The following DCC variants were observed in gnomAD, a reference collection of about 807,000 sequenced individuals.
DCC encodes the protein DCC netrin 1 receptor.
In DCC, 58 loss-of-function variants were observed where a neutral mutation model predicts 172.5. The ratio of observed to expected loss-of-function variants is 0.34; its 90% CI spans 0.27 to 0.42. The LOEUF (loss-of-function observed/expected upper bound fraction) is 0.42, where lower values mean the gene tolerates loss of function less well. DCC is among the 10% of genes least tolerant of loss of function. The probability of loss-of-function intolerance (pLI) is 1.00; values close to 1 mark genes in which losing one functional copy is unlikely to be tolerated. For missense variants in DCC, 1,740 were observed against 1,791.0 expected, an observed-to-expected ratio of 0.97 and a Z score of 0.51; for synonymous variants, 709 against 644.5, an observed-to-expected ratio of 1.10 and a Z score of -1.52.
chr18:52,778,098 C>T (rs1374557424), intron 2 of DCC, among the ~76,000 whole-genome samples: 1 of 152,126 alleles, frequency 6.6e-6, no homozygotes, highest in Non-Finnish European at 1.5e-5. Context: ...GAACCAAATC[C>T]TCAGCTATCA....
chr18:53,448,047 GTTTTTT>G (rs35238619), intron 22 of DCC, among the ~76,000 whole-genome samples: 1 of 113,756 alleles, frequency 8.8e-6, no homozygotes, highest in South Asian at 3.1e-4. Flanking sequence ...ATTTTGATGA[GTTTTTT>G]TTTTTTTTTT....
intron 12 of DCC, among the ~76,000 whole-genome samples, chr18:53,225,184 A>C (rs999607259): frequency 1.3e-5 from 2 of 152,156 alleles, no homozygotes; most frequent in Non-Finnish European, 2.9e-5. Context: ...GGGAGATATG[A>C]CATTCGAGAG....
intron 25 of DCC, among the ~76,000 whole-genome samples, chr18:53,473,433 CT>C (rs979399756): frequency 5.3e-5 from 8 of 152,162 alleles, no homozygotes; most frequent in Non-Finnish European, 1.0e-4. Context: ...TTGGAGAGCT[CT>C]TTTTTTGTCA....
At chr18:53,050,812 T>C (rs926634070) in intron 5 of DCC, among the ~76,000 whole-genome samples, 3 of 152,222 alleles carry the variant, frequency 2.0e-5, no homozygotes, top group South Asian at 2.1e-4. Context: ...CAGTACTATG[T>C]TGAATAGGAA....
intron 22 of DCC, among the ~76,000 whole-genome samples, chr18:53,442,437 T>C (rs889389129): frequency 5.3e-5 from 8 of 152,222 alleles, no homozygotes; most frequent in Admixed American, 5.2e-4. Context: ...ACTGCACCCA[T>C]ATAAGATGAT....
chr18:53,414,834 C>G (rs1910209821), intron 20 of DCC, among the ~76,000 whole-genome samples: 2 of 151,998 alleles, frequency 1.3e-5, no homozygotes, highest in African/African-American at 4.8e-5. Context: ...GGTGACAGAG[C>G]AATAATAAAA....
intron 2 of DCC, among the ~76,000 whole-genome samples, chr18:52,807,836 CTTA>C (rs1401450050): frequency 1.3e-5 from 2 of 152,280 alleles, no homozygotes; most frequent in East Asian, 1.9e-4. Context: ...TTTACGTTTT[CTTA>C]TTATGAGGGA....
intron 5 of DCC, among the ~76,000 whole-genome samples, chr18:53,041,252 A>C: frequency 6.6e-6 from 1 of 152,100 alleles, no homozygotes. Flanking sequence ...TTTTCCCAAA[A>C]CCACTTATTA....
chr18:52,901,284 T>C (rs947584297), intron 2 of DCC, among the ~76,000 whole-genome samples: 2 of 151,888 alleles, frequency 1.3e-5, no homozygotes, highest in African/African-American at 4.8e-5. Flanking sequence ...AATACAAAAA[T>C]TAGCTGGGCA....
At chr18:52,895,228 C>CA (rs1379914149) in intron 2 of DCC, among the ~76,000 whole-genome samples, 1 of 152,202 alleles carries the variant, frequency 6.6e-6, no homozygotes, top group Non-Finnish European at 1.5e-5. Context: ...GCCGTATTCA[C>CA]AATCAACTTT....
intron 2 of DCC, among the ~76,000 whole-genome samples, chr18:52,781,936 A>G (rs1282484182): frequency 2.0e-5 from 3 of 152,180 alleles, no homozygotes; most frequent in Admixed American, 1.3e-4. Flanking sequence ...TCAGTTGAAG[A>G]GAATGACTTT....
intron 16 of DCC, among the ~76,000 whole-genome samples, chr18:53,387,098 G>A (rs564815523): frequency 2.4e-4 from 36 of 152,308 alleles, no homozygotes; most frequent in Non-Finnish European, 1.9e-4. Flanking sequence ...ATCGGAGAAC[G>A]TGAGATGTTA....
intron 1 of DCC, among the ~76,000 whole-genome samples, chr18:52,381,730 C>G (rs1985593877): frequency 6.6e-6 from 1 of 152,104 alleles, no homozygotes; most frequent in Non-Finnish European, 1.5e-5. Context: ...GGTCTGCTTT[C>G]ACTGGGGCGG....
Position 53,215,540 on chromosome 18 carries a change from C to G in DCC, c.1862-8C>G, listed in dbSNP as rs370200860. On this transcript the variant is annotated splice_region_variant and splice_polypyrimidine_tract_variant and intron_variant, in intron 11 of 28. Transcript: ENST00000442544. The stretch of plus-strand genomic sequence containing the variant: ...AGTAACTGTGACAATTTGTTTGATT[C>G]CTTTTAGTGCCAAGTGCCCCGCCTC... 63 of 1,612,860 alleles carry G rather than the reference C, an allele frequency of 3.9e-5. No individual in the cohort carries two copies. The highest frequency in any genetic ancestry group is 4.7e-5 in the Non-Finnish European group (56 of 1,179,062).
At chr18:52,527,034 T>C (rs1306803974) in intron 1 of DCC, among the ~76,000 whole-genome samples, 1 of 152,210 alleles carries the variant, frequency 6.6e-6, no homozygotes, top group African/African-American at 2.4e-5. Context: ...TGGGAACCTT[T>C]TGGTAAAACT....
At chr18:52,397,019 AT>A (rs1463636421) in intron 1 of DCC, among the ~76,000 whole-genome samples, 1 of 152,028 alleles carries the variant, frequency 6.6e-6, no homozygotes, top group Non-Finnish European at 1.5e-5. Context: ...ATAGAAAGGT[AT>A]TTTCCTTTAG....
intron 1 of DCC, among the ~76,000 whole-genome samples, chr18:52,721,059 G>A (rs1248921914): frequency 6.6e-6 from 1 of 152,168 alleles, no homozygotes. Flanking sequence ...AAGATGTGCA[G>A]TGTATGATCC....
At chr18:53,046,120 T>TA (rs1483344192) in intron 5 of DCC, among the ~76,000 whole-genome samples, 1 of 151,860 alleles carries the variant, frequency 6.6e-6, no homozygotes, top group Non-Finnish European at 1.5e-5. Context: ...AAAAGACAAA[T>TA]AGAGTCTCAA....
intron 3 of DCC, among the ~76,000 whole-genome samples, chr18:52,921,222 A>G (rs553849518): frequency 1.4e-3 from 216 of 152,340 alleles, no homozygotes; most frequent in Non-Finnish European, 2.2e-3. Flanking sequence ...TAAAACAACT[A>G]TACCACATTA....
Sources: allele counts gnomAD v4.1 joint callset (sites outside exome capture counted in the v4.1 genomes callset), GRCh38; gene constraint gnomAD v4.1.1; transcripts MANE v1.5; gene names NCBI Gene and HGNC (gene_info 2026-07-23, HGNC 2026-07-21).